Variants in MARK4 observed in about 807,000 individuals in gnomAD.
The protein encoded by MARK4 is microtubule affinity regulating kinase 4, also known as MAP/microtubule affinity-regulating kinase 4.
A neutral mutation model predicts 81.5 loss-of-function variants in MARK4; 19 were observed. That is an observed-to-expected ratio of 0.23 (90% CI 0.16 to 0.34). The LOEUF is 0.34. Ranked by LOEUF, MARK4 falls within the 10% of genes least tolerant of loss-of-function variation. MARK4 has a pLI of 1.00. For synonymous variants in MARK4, 436 were observed against 439.0 expected (o/e 0.99, Z 0.08); for missense variants, 772 against 1,058.8 (o/e 0.73, Z 3.76).
chr19:45,274,377 T>A (rs910648676), intron 8 of MARK4, among the ~76,000 whole-genome samples: 1 of 152,128 alleles, frequency 6.6e-6, no homozygotes, highest in Non-Finnish European at 1.5e-5. Flanking sequence ...AGGCCTGTAA[T>A]CTCAGCACTT....
chr19:45,302,039 G>A lies in MARK4; in HGVS notation c.1923-335G>A, dbSNP rs1444686561. Among the ~76,000 whole-genome samples, 3 of 152,144 alleles carry A rather than the reference G, an allele frequency of 2.0e-5. No homozygotes were observed. Among genetic ancestry groups the A allele is most frequent in the African/African-American group, 7.2e-5 (3 of 41,424 alleles). On this transcript the variant is annotated intron_variant, in intron 16 of 16. Coordinates refer to ENST00000262891, the MANE Select transcript of MARK4 (RefSeq NM_001199867.2). The surrounding 1 kb of genome is among the most constrained non-coding windows in gnomAD (Gnocchi z 4.9). The stretch of plus-strand genomic sequence containing the variant: ...ATCTTCACAGTTGAGGCTGGCCTGT[G>A]CCACTGCTAAGTCCAGCTCCTGGGA...
intron 13 of MARK4, among the ~76,000 whole-genome samples, chr19:45,290,619 A>G (rs942603591): frequency 5.9e-5 from 9 of 152,178 alleles, no homozygotes; most frequent in East Asian, 1.9e-4. Flanking sequence ...GTGTCTGGCT[A>G]TTACCACTTA....
At chr19:45,279,843 G>A (rs1223158769) in intron 10 of MARK4, among the ~76,000 whole-genome samples, 2 of 152,198 alleles carry the variant, frequency 1.3e-5, no homozygotes, top group African/African-American at 4.8e-5. Flanking sequence ...TGGGTCACAT[G>A]CCTTCAATGA....
At chr19:45,291,556 G>A (rs1376127277) in intron 13 of MARK4, among the ~76,000 whole-genome samples, 1 of 152,242 alleles carries the variant, frequency 6.6e-6, no homozygotes, top group African/African-American at 2.4e-5. Context: ...GCTGAGGCGG[G>A]CGGATCACGA....
intron 12 of MARK4, among the ~76,000 whole-genome samples, chr19:45,283,408 TCAAAAA>T: frequency 1.8e-5 from 1 of 56,736 alleles, no homozygotes; most frequent in South Asian, 6.2e-4. Context: ...AGACTTCCTC[TCAAAAA>T]AAAAAAAAAA....
intron 13 of MARK4, chr19:45,287,906 G>A (rs1970767903): frequency 1.7e-6 from 1 of 581,926 alleles, no homozygotes; most frequent in African/African-American, 1.9e-5. Flanking sequence ...ACGTACTCTT[G>A]GCAGAAAGGA....
At chr19:45,296,589 TGTA>T (rs1476732475) in intron 14 of MARK4, among the ~76,000 whole-genome samples, 5 of 152,318 alleles carry the variant, frequency 3.3e-5, no homozygotes, top group South Asian at 4.1e-4. Context: ...GTCTGGGAAA[TGTA>T]GTCTCTGGCT....
chr19:45,283,409 CAAAAAAAA>C (rs869039919), intron 12 of MARK4, among the ~76,000 whole-genome samples: 21,962 of 86,050 alleles, frequency 0.26, 2,346 homozygotes, highest in Non-Finnish European at 0.34. Flanking sequence ...GACTTCCTCT[CAAAAAAAA>C]AAAAAAAAAA....
chr19:45,296,974 C>T (rs1215930292), intron 14 of MARK4, among the ~76,000 whole-genome samples: 1 of 149,796 alleles, frequency 6.7e-6, no homozygotes, highest in Non-Finnish European at 1.5e-5. Context: ...CACTTGAACC[C>T]AGGAGGCAGA....
chr19:45,287,482 A>G lies in MARK4; in HGVS notation c.1312A>G (p.Ser438Gly). ...PSPAPLHPKR[S>G]PTSTGEAELK... is the part of the protein sequence containing the mutation. ...CCCTGCACCCCTGCACCCCAAACGC[A>G]GCCCGACGAGCACGGGGGAGGCGGA... The change falls in exon 13 of 17, where the codon AGC becomes GGC. Residue 438 changes from serine to glycine, a missense_variant. Physicochemically the swap from Ser to Gly is moderately conservative, Grantham distance 56 (BLOSUM62 0). Transcript: ENST00000262891. 1.3e-6 allele frequency: 2 copies of G among 1,493,348 alleles called. No individual in the cohort carries two copies. Among genetic ancestry groups the G allele is most frequent in the South Asian group, 1.3e-5 (1 of 75,112 alleles). The allele number at this position is 1,493,348 out of a possible 1,614,324, so 92.5% of individuals were successfully genotyped here.
chr19:45,287,394 CA>C, intron 12 of MARK4, 52 bp from the exon 13 acceptor site: 1 of 1,231,628 alleles, frequency 8.1e-7, no homozygotes, highest in Non-Finnish European at 1.1e-6. Context: ...CCCCCAGAGT[CA>C]GTTCTGGGTT....
At chr19:45,261,223 G>T (rs1383203725) in intron 2 of MARK4, among the ~76,000 whole-genome samples, 1 of 152,114 alleles carries the variant, frequency 6.6e-6, no homozygotes, top group South Asian at 2.1e-4. Flanking sequence ...ATTTTTACGC[G>T]CTAGTTTGTC....
At chr19:45,290,031 C>T (rs756530198) in intron 13 of MARK4, among the ~76,000 whole-genome samples, 6 of 151,994 alleles carry the variant, frequency 3.9e-5, no homozygotes, top group Non-Finnish European at 8.8e-5. Flanking sequence ...GTCCAGGAGG[C>T]GGAGGTTGCA....
At chr19:45,294,602 A>G (rs1255150111) in intron 14 of MARK4, 150 bp downstream of exon 14, 3 of 671,084 alleles carry the variant, frequency 4.5e-6, no homozygotes, top group African/African-American at 3.6e-5. Context: ...GAATCGACCC[A>G]TGTACCCCCC....
rs759497848 is a variant in MARK4, at chr19:45,266,295, C to G, written c.549+14C>G. ...AGGGACCTGAAGGTAAGCCCCCGAC[C>G]CGCTGTGATCTCAGGGACCACGGCT... On this transcript the variant is annotated intron_variant, in intron 7 of 16. Transcript: ENST00000262891. The G allele has an allele frequency of 6.2e-7, 1 of 1,613,268 alleles. No individual in the cohort carries two copies. Among genetic ancestry groups the G allele is most frequent in the African/African-American group, 1.3e-5 (1 of 74,836 alleles).
chr19:45,285,939 A>G (rs1568499996), intron 12 of MARK4, among the ~76,000 whole-genome samples: 1 of 152,236 alleles, frequency 6.6e-6, no homozygotes, highest in Admixed American at 6.5e-5. Flanking sequence ...TTGTTCATAC[A>G]ATAACATCCT....
In MARK4 at chr19:45,252,034, C is replaced by T. The variant is rs370963152; in HGVS notation, c.51+395C>T. 4.6e-3 allele frequency among the ~76,000 whole-genome samples: 705 copies of T among 152,218 alleles called. 6 individuals carry two copies. Among genetic ancestry groups the T allele is most frequent in the South Asian group, 0.029 (141 of 4,834 alleles). ...GCAGGGCCCCTGACCCCCCAAGGCC[C>T]GGCCCTGGCACTCTCAGCAGGGCCT... On this transcript the variant is annotated intron_variant, in intron 1 of 16. Transcript: ENST00000262891.
chr19:45,276,066 AC>A (rs1485972471), intron 8 of MARK4, among the ~76,000 whole-genome samples: 4 of 151,926 alleles, frequency 2.6e-5, no homozygotes, highest in African/African-American at 9.7e-5. Context: ...GGTCTCAGTC[AC>A]CCAGGCTGGA....
chr19:45,286,261 A>G (rs182034998), intron 12 of MARK4, among the ~76,000 whole-genome samples: 82 of 151,846 alleles, frequency 5.4e-4, no homozygotes, highest in Admixed American at 1.8e-3. Flanking sequence ...TTGCCATGTT[A>G]GCCAGGCTGG....
Sources: gnomAD v4.1 joint callset for allele counts (sites outside exome capture counted in the v4.1 genomes callset) on GRCh38, gnomAD v4.1.1 for gene constraint, Gnocchi (gnomAD v3.1) non-coding constraint, MANE v1.5 for transcripts, NCBI Gene and HGNC (gene_info 2026-07-23, HGNC 2026-07-21) for gene names.